The following AGO3 variants were observed in gnomAD, a reference collection of about 807,000 sequenced individuals.
AGO3 encodes the protein argonaute RISC catalytic component 3, also known as protein argonaute-3.
A neutral mutation model predicts 105.5 loss-of-function variants in AGO3; 16 were observed. The ratio of observed to expected loss-of-function variants is 0.15; its 90% CI spans 0.10 to 0.23. AGO3 has a LOEUF of 0.23. Among genes scored for constraint, AGO3 ranks in the 10% least tolerant of loss-of-function variants. The pLI is 1.00. For synonymous variants in AGO3, 340 were observed against 367.3 expected (o/e 0.93, Z 0.85); for missense variants, 534 against 1,088.0 (o/e 0.49, Z 7.16).
At position 36,055,231 on chromosome 1, in the gene AGO3, A is replaced by T; in HGVS notation, c.2474+86A>T. The T allele has an allele frequency of 7.2e-7, 1 of 1,398,486 alleles. No individual in the cohort carries two copies. Among genetic ancestry groups the T allele is most frequent in the Non-Finnish European group, 9.8e-7 (1 of 1,020,536 alleles). 86.6% of individuals were successfully genotyped at this position (1,398,486 alleles called of 1,614,324 possible). A position where few individuals can be genotyped will look rare whatever the true frequency, so the allele number is the denominator to read the frequency against. On this transcript the variant is annotated intron_variant, in intron 18 of 18. Coordinates refer to ENST00000373191, the MANE Select transcript of AGO3 (RefSeq NM_024852.4). This position sits in a 1 kb window ranked among gnomAD's most constrained non-coding sequence, Gnocchi z 4.4. ...TTCAAGTTCCACAAGCTATTAGCGG[A>T]GTCAGTGATCCATGTGAAAAATGAT... is the stretch of plus-strand genomic sequence containing the variant.
In AGO3 at chr1:36,041,174, A is replaced by G. The variant is rs1569908491; in HGVS notation, c.2172+733A>G. On this transcript the variant is annotated intron_variant, in intron 16 of 18. Coordinates refer to ENST00000373191, the MANE Select transcript of AGO3 (RefSeq NM_024852.4). ...TTATTTTATGCATTTTATAATGTGA[A>G]TGTATATTTTTTATAATTAGGAAGG... Among the ~76,000 whole-genome samples, 3 of 151,060 alleles carry G rather than the reference A, an allele frequency of 2.0e-5. No individual in the cohort carries two copies. In the South Asian group the frequency reaches 6.3e-4, roughly 32 times the overall value.
At position 36,060,942 on chromosome 1, in the gene AGO3, T is replaced by C. The variant is rs1318486623; in HGVS notation, c.*5197T>C. The C allele has an allele frequency of 3.9e-5, 6 of 152,328 alleles. No individual in the cohort carries two copies. In the East Asian group the frequency reaches 1.2e-3, roughly 29 times the overall value. The allele number at this position is 152,328 out of a possible 1,614,324, so 9.4% of individuals were successfully genotyped here. A position where few individuals can be genotyped will look rare whatever the true frequency, so the allele number is the denominator to read the frequency against. ...ATAACCCTAATTTAGAACTCTTGTT[T>C]TCCTATTTCAGTCCTCATATTTGAT... is the stretch of plus-strand genomic sequence containing the variant. On this transcript the variant is annotated 3_prime_UTR_variant, in exon 19 of 19. Coordinates refer to ENST00000373191, the MANE Select transcript of AGO3 (RefSeq NM_024852.4).
In AGO3 at chr1:36,057,502, A is replaced by G. The variant is rs377456879; in HGVS notation, c.*1757A>G. The G allele has an allele frequency of 1.2e-4, 18 of 152,248 alleles. No homozygotes were observed. Among genetic ancestry groups the G allele is most frequent in the African/African-American group, 3.4e-4 (14 of 41,566 alleles). The allele number at this position is 152,248 out of a possible 1,614,324, so 9.4% of individuals were successfully genotyped here. A position where few individuals can be genotyped will look rare whatever the true frequency, so the allele number is the denominator to read the frequency against. On this transcript the variant is annotated 3_prime_UTR_variant, in exon 19 of 19. Transcript: ENST00000373191. ...AATCATGTTTATTTTAAGAACTGACAACTTGTTTTTGCTATCTTTTAGTGC... is the reference window on the plus strand; with the variant it reads ...AATCATGTTTATTTTAAGAACTGACGACTTGTTTTTGCTATCTTTTAGTGC...
intron 11 of AGO3, among the ~76,000 whole-genome samples, chr1:36,014,720 G>A (rs1370167814): frequency 3.5e-5 from 5 of 144,668 alleles, no homozygotes; most frequent in African/African-American, 1.3e-4. Context: ...GTAGTGAGCC[G>A]AGATTGTGCC....
At chr1:35,950,848 T>C (rs957205931) in intron 2 of AGO3, among the ~76,000 whole-genome samples, 1 of 152,252 alleles carries the variant, frequency 6.6e-6, no homozygotes, top group Non-Finnish European at 1.5e-5. Context: ...AATAGATACA[T>C]GTTAAAAATT....
chr1:35,993,658 A>G (rs948278751), intron 5 of AGO3, among the ~76,000 whole-genome samples: 3 of 151,766 alleles, frequency 2.0e-5, no homozygotes, highest in Admixed American at 6.6e-5. Context: ...AGTTTTTTCT[A>G]TAATGTAAGG....
intron 9 of AGO3, among the ~76,000 whole-genome samples, chr1:36,012,923 A>T (rs1242722212): frequency 6.6e-6 from 1 of 151,326 alleles, no homozygotes; most frequent in African/African-American, 2.4e-5. Context: ...AAAAAGTTTT[A>T]TTATCATTTT....
At position 35,931,248 on chromosome 1, in the gene AGO3, C is replaced by T. The variant is rs1006305527; in HGVS notation, c.-179C>T. On this transcript the variant is annotated 5_prime_UTR_variant, in exon 1 of 19. Transcript: ENST00000373191. ...GCCTAGTCCTGTGCCGTTTTCCGTC[C>T]GCGACTCTTCCGGCCCAGAGCTTTC... 2 of 467,822 alleles carry T rather than the reference C, an allele frequency of 4.3e-6. No individual in the cohort carries two copies. The highest frequency in any genetic ancestry group is 4.0e-5 in the African/African-American group (2 of 49,416). The allele number at this position is 467,822 out of a possible 1,614,324, so 29.0% of individuals were successfully genotyped here.
intron 5 of AGO3, chr1:35,982,551 C>G (rs1647072306): frequency 1.5e-6 from 1 of 663,552 alleles, no homozygotes; most frequent in Admixed American, 2.5e-5. Context: ...AAACTTCTCT[C>G]TATCCTTTAG....
intron 5 of AGO3, among the ~76,000 whole-genome samples, chr1:35,991,687 A>G (rs1647677364): frequency 6.6e-6 from 1 of 151,898 alleles, no homozygotes; most frequent in Non-Finnish European, 1.5e-5. Context: ...AAATAGCTGT[A>G]TTGACGTTTA....
chr1:36,015,131 C>T (rs1164990047), intron 11 of AGO3, among the ~76,000 whole-genome samples: 1 of 152,150 alleles, frequency 6.6e-6, no homozygotes, highest in Non-Finnish European at 1.5e-5. Context: ...GTAGCAAGTC[C>T]AGGCCTCTGG....
At chr1:35,958,372 C>T (rs930049078) in intron 2 of AGO3, among the ~76,000 whole-genome samples, 1 of 151,532 alleles carries the variant, frequency 6.6e-6, no homozygotes, top group Non-Finnish European at 1.5e-5. Context: ...CAGAATAAGA[C>T]TCCATAATAA....
chr1:35,957,184 T>C (rs964390580), intron 2 of AGO3, among the ~76,000 whole-genome samples: 1 of 151,168 alleles, frequency 6.6e-6, no homozygotes, highest in Non-Finnish European at 1.5e-5. Flanking sequence ...ACCCCATCTC[T>C]ACTAAAAATA....
At position 36,009,062 on chromosome 1, in the gene AGO3, C is replaced by T. The variant is rs1393349620; in HGVS notation, c.1029+18C>T. The T allele has an allele frequency of 6.7e-7, 1 of 1,498,854 alleles. No individual in the cohort carries two copies. The highest frequency in any genetic ancestry group is 3.0e-5 in the East Asian group (1 of 32,834). 92.8% of individuals were successfully genotyped at this position (1,498,854 alleles called of 1,614,324 possible). A position where few individuals can be genotyped will look rare whatever the true frequency, so the allele number is the denominator to read the frequency against. ...CACTAGAAGTAATGCCTTCACACTG[C>T]TAATTAATACCCTGTTGTTCATGAT... On this transcript the variant is annotated intron_variant, in intron 8 of 18. Transcript: ENST00000373191.
At chr1:35,949,505 C>T (rs577652004) in intron 2 of AGO3, among the ~76,000 whole-genome samples, 1 of 152,266 alleles carries the variant, frequency 6.6e-6, no homozygotes, top group Admixed American at 6.5e-5. Context: ...TTAGAAGGAA[C>T]TAGATAGAAC....
intron 1 of AGO3, among the ~76,000 whole-genome samples, chr1:35,940,328 G>A (rs11263843): frequency 0.24 from 35,941 of 151,996 alleles, 7,032 homozygotes; most frequent in East Asian, 0.69. Flanking sequence ...CAGCCTCCCA[G>A]AGTGCTGGGA....
At position 36,027,085 on chromosome 1, in the gene AGO3, G is replaced by T. The variant is rs1244283545; in HGVS notation, c.1407-29G>T. The T allele has an allele frequency of 6.3e-7, 1 of 1,593,122 alleles. No homozygotes were observed. Among genetic ancestry groups the T allele is most frequent in the Non-Finnish European group, 8.5e-7 (1 of 1,169,780 alleles). On this transcript the variant is annotated intron_variant, in intron 11 of 18. Coordinates refer to ENST00000373191, the MANE Select transcript of AGO3 (RefSeq NM_024852.4). The surrounding 1 kb of genome is among the most constrained non-coding windows in gnomAD (Gnocchi z 4.0). ...TGTAGGAATTCATGACTAGACAAAG[G>T]TTTTATATTTAGTGGTTTCTCCTTC...
chr1:36,016,037 A>C (rs1470629747), intron 11 of AGO3, among the ~76,000 whole-genome samples: 2 of 152,256 alleles, frequency 1.3e-5, no homozygotes, highest in Non-Finnish European at 2.9e-5. Context: ...ATGGAAATGA[A>C]GTACAGAAAC....
intron 5 of AGO3, chr1:35,982,553 A>G (rs1647072413): frequency 1.5e-6 from 1 of 673,244 alleles, no homozygotes. Flanking sequence ...ACTTCTCTCT[A>G]TCCTTTAGAT....
Sources: gnomAD v4.1 joint callset for allele counts (sites outside exome capture counted in the v4.1 genomes callset) on GRCh38, gnomAD v4.1.1 for gene constraint, Gnocchi (gnomAD v3.1) non-coding constraint, MANE v1.5 for transcripts, NCBI Gene and HGNC (gene_info 2026-07-23, HGNC 2026-07-21) for gene names.